Variants in MBOAT1 observed in about 807,000 individuals in gnomAD.
The protein encoded by MBOAT1 is membrane bound glycerophospholipid O-acyltransferase 1, also known as membrane-bound glycerophospholipid O-acyltransferase 1.
In MBOAT1, 67 loss-of-function variants were observed where a neutral mutation model predicts 64.4. The observed-to-expected ratio is 1.04, with a 90% CI of 0.85 to 1.27. MBOAT1 has a LOEUF of 1.27. Ranked by LOEUF, MBOAT1 falls within the 50% of genes most tolerant of loss-of-function variation. MBOAT1 has a pLI of 0.00. For missense variants in MBOAT1, 563 were observed against 604.6 expected, an observed-to-expected ratio of 0.93 and a Z score of 0.72; for synonymous variants, 229 against 218.9, an observed-to-expected ratio of 1.05 and a Z score of -0.41.
chr6:20,142,149 T>C (rs1200642972), intron 4 of MBOAT1, among the ~76,000 whole-genome samples: 2 of 152,196 alleles, frequency 1.3e-5, no homozygotes, highest in African/African-American at 4.8e-5. Flanking sequence ...TTTTGTTTAA[T>C]ATCCCAACCA....
intron 4 of MBOAT1, among the ~76,000 whole-genome samples, chr6:20,132,907 C>T (rs1039181810): frequency 8.5e-5 from 13 of 152,184 alleles, no homozygotes; most frequent in South Asian, 4.1e-4. Flanking sequence ...ATGTTGTCAA[C>T]GACACTCATC....
chr6:20,139,246 C>G (rs1178539250), intron 4 of MBOAT1, among the ~76,000 whole-genome samples: 1 of 152,174 alleles, frequency 6.6e-6, no homozygotes, highest in African/African-American at 2.4e-5. Flanking sequence ...CTGCTTCAGC[C>G]TCCCATGTAG....
chr6:20,116,876 C>T (rs1256490146), intron 9 of MBOAT1, among the ~76,000 whole-genome samples: 1 of 152,140 alleles, frequency 6.6e-6, no homozygotes, highest in African/African-American at 2.4e-5. Context: ...AAGGGGACCA[C>T]CCTAAAGGAC....
intron 8 of MBOAT1, among the ~76,000 whole-genome samples, chr6:20,118,843 G>A (rs895190673): frequency 2.6e-5 from 4 of 152,240 alleles, no homozygotes; most frequent in East Asian, 3.9e-4. Flanking sequence ...ACGAAGAACC[G>A]AAATGAATAA....
At position 20,109,696 on chromosome 6, in the gene MBOAT1, C is replaced by T; in HGVS notation, c.1263G>A (p.Val421=). 1.2e-6 allele frequency: 2 copies of T among 1,614,144 alleles called. No individual in the cohort carries two copies. The highest frequency in any genetic ancestry group is 1.7e-6 in the Non-Finnish European group (2 of 1,180,020). Residue 421 remains valine, a synonymous_variant, in exon 12 of 13, where the codon GTG becomes GTA. Coordinates refer to ENST00000324607, the MANE Select transcript of MBOAT1 (RefSeq NM_001080480.3). ...TGACGGCCCAGGTGCCTGCATCATA[C>T]ACAGCCTTGAGAGCTCTTGAAGAAA... The part of the protein sequence containing the change: ...YFLSSRALKA[V]YDAGTWAVTQ...
chr6:20,139,288 C>T (rs935632865), intron 4 of MBOAT1, among the ~76,000 whole-genome samples: 1 of 152,060 alleles, frequency 6.6e-6, no homozygotes, highest in Non-Finnish European at 1.5e-5. Context: ...CCACCACGCC[C>T]TGCTAATTTT....
intron 1 of MBOAT1, among the ~76,000 whole-genome samples, chr6:20,159,078 C>A (rs1054589234): frequency 6.6e-6 from 1 of 152,090 alleles, no homozygotes; most frequent in Admixed American, 6.5e-5. Context: ...GGTATATGCC[C>A]GAGGAAACTG....
intron 1 of MBOAT1, among the ~76,000 whole-genome samples, chr6:20,174,037 G>A (rs1354101754): frequency 6.6e-6 from 1 of 152,174 alleles, no homozygotes; most frequent in African/African-American, 2.4e-5. Flanking sequence ...TGTGGTAACA[G>A]TTGGTTCCTC....
At chr6:20,110,919 G>A (rs1760119030) in intron 11 of MBOAT1, among the ~76,000 whole-genome samples, 1 of 151,970 alleles carries the variant, frequency 6.6e-6, no homozygotes, top group African/African-American at 2.4e-5. Flanking sequence ...CTTCCTTCAG[G>A]TAATGATAAC....
intron 1 of MBOAT1, among the ~76,000 whole-genome samples, chr6:20,172,732 C>A (rs1762235676): frequency 6.6e-6 from 1 of 152,126 alleles, no homozygotes; most frequent in African/African-American, 2.4e-5. Flanking sequence ...TAACACTGAT[C>A]TACACAGACC....
At chr6:20,126,429 TA>T (rs1760650289) in intron 7 of MBOAT1, 87 bp downstream of exon 7, 11 of 1,123,534 alleles carry the variant, frequency 9.8e-6, no homozygotes, top group South Asian at 8.0e-5. Context: ...AGCTTTCTGG[TA>T]AACTGTTTGG....
intron 3 of MBOAT1, among the ~76,000 whole-genome samples, chr6:20,144,629 C>T (rs931202158): frequency 2.6e-5 from 4 of 152,242 alleles, no homozygotes; most frequent in South Asian, 2.1e-4. Context: ...AATGGCAGTG[C>T]GCAGCCAGGG....
chr6:20,124,857 T>C (rs1195890658), intron 7 of MBOAT1, among the ~76,000 whole-genome samples: 1 of 152,162 alleles, frequency 6.6e-6, no homozygotes, highest in Non-Finnish European at 1.5e-5. Flanking sequence ...CATCAGCATA[T>C]TCAACGAACA....
intron 1 of MBOAT1, among the ~76,000 whole-genome samples, chr6:20,189,609 C>T (rs1302358184): frequency 6.6e-6 from 1 of 152,228 alleles, no homozygotes; most frequent in East Asian, 1.9e-4. Flanking sequence ...TACCTATCAT[C>T]ACCATGTTGT....
intron 8 of MBOAT1, among the ~76,000 whole-genome samples, chr6:20,120,006 C>CGTGTGTGTGTGTGTGTGT (rs10630791): frequency 6.6e-6 from 1 of 150,628 alleles, no homozygotes; most frequent in African/African-American, 2.4e-5. Flanking sequence ...TGTGTGTGTG[C>CGTGTGTGTGTGTGTGTGT]GTGTGTGTGT....
At chr6:20,168,214 T>G (rs1762065414) in intron 1 of MBOAT1, among the ~76,000 whole-genome samples, 1 of 152,168 alleles carries the variant, frequency 6.6e-6, no homozygotes, top group Non-Finnish European at 1.5e-5. Context: ...CATACACATT[T>G]GAAATAGTAA....
intron 5 of MBOAT1, among the ~76,000 whole-genome samples, chr6:20,129,710 T>C (rs1252984154): frequency 6.6e-6 from 1 of 152,366 alleles, no homozygotes; most frequent in Middle Eastern, 3.4e-3. Context: ...CTCATTTTTA[T>C]AAGATCTCAT....
intron 12 of MBOAT1, among the ~76,000 whole-genome samples, chr6:20,104,924 C>T (rs1475732303): frequency 6.6e-6 from 1 of 152,244 alleles, no homozygotes; most frequent in Non-Finnish European, 1.5e-5. Flanking sequence ...AGCCTCCACC[C>T]CTTCCCATGT....
Position 20,135,623 on chromosome 6 carries a change from G to A in MBOAT1, c.420-4424C>T, listed in dbSNP as rs141700093. 4.0e-3 allele frequency among the ~76,000 whole-genome samples: 604 copies of A among 152,274 alleles called. 7 individuals carry two copies. Among genetic ancestry groups the A allele is most frequent in the African/African-American group, 0.013 (537 of 41,552 alleles). On this transcript the variant is annotated intron_variant, in intron 4 of 12. Coordinates refer to ENST00000324607, the MANE Select transcript of MBOAT1 (RefSeq NM_001080480.3). ...GGACAATGAGATAACCCAGACATCG[G>A]TTATTGGTGTCGGAAGAGCCAACCA...
Sources: gnomAD v4.1 joint callset for allele counts (sites outside exome capture counted in the v4.1 genomes callset) on GRCh38, gnomAD v4.1.1 for gene constraint, MANE v1.5 for transcripts, NCBI Gene and HGNC (gene_info 2026-07-23, HGNC 2026-07-21) for gene names.